ADAMTSL1: variants seen among roughly 807,000 people sequenced by gnomAD.
ADAMTSL1 encodes ADAMTS-like protein 1.
ADAMTSL1 carries 126 observed loss-of-function variants against 201.8 expected under a neutral mutation model. The ratio of observed to expected loss-of-function variants is 0.62; its 90% CI spans 0.54 to 0.72. ADAMTSL1 has a LOEUF of 0.72. Among genes scored for constraint, ADAMTSL1 ranks in the 30% least tolerant of loss-of-function variants. ADAMTSL1 has a pLI of 0.00. For synonymous variants in ADAMTSL1, 1,121 were observed against 903.4 expected (o/e 1.24, Z -4.32); for missense variants, 2,679 against 2,277.8 (o/e 1.18, Z -3.59).
At chr9:18,259,585 G>T (rs1442491924) in intron 2 of ADAMTSL1, among the ~76,000 whole-genome samples, 2 of 151,182 alleles carry the variant, frequency 1.3e-5, no homozygotes, top group African/African-American at 4.9e-5. Context: ...AGCTTACAAG[G>T]CTCCCAGGGG....
intron 2 of ADAMTSL1, among the ~76,000 whole-genome samples, chr9:18,356,636 CAA>C (rs1491059814): frequency 1.4e-5 from 2 of 142,814 alleles, no homozygotes; most frequent in African/African-American, 2.6e-5. Context: ...CACACACACA[CAA>C]CTTTCCTACT....
intron 1 of ADAMTSL1, among the ~76,000 whole-genome samples, chr9:17,945,438 C>T (rs1656821404): frequency 6.8e-6 from 1 of 146,766 alleles, no homozygotes. Flanking sequence ...ACTAGAAATA[C>T]CATTTGACCC....
At chr9:18,060,693 A>T (rs530144299) in intron 1 of ADAMTSL1, among the ~76,000 whole-genome samples, 3 of 152,192 alleles carry the variant, frequency 2.0e-5, no homozygotes, top group Non-Finnish European at 4.4e-5. Context: ...GTTAACTACT[A>T]TTAATAATTC....
At chr9:18,063,213 G>A (rs1006224752) in intron 1 of ADAMTSL1, among the ~76,000 whole-genome samples, 19 of 152,144 alleles carry the variant, frequency 1.2e-4, no homozygotes, top group Admixed American at 9.2e-4. Context: ...GTTGGGCATG[G>A]TGGTGTCTGC....
At chr9:18,293,533 G>A (rs887412607) in intron 2 of ADAMTSL1, among the ~76,000 whole-genome samples, 9 of 152,158 alleles carry the variant, frequency 5.9e-5, no homozygotes, top group Middle Eastern at 3.2e-3. Context: ...CAAGCTCAGC[G>A]GAGAATACCG....
chr9:18,635,376 G>A (rs533030377), intron 5 of ADAMTSL1, among the ~76,000 whole-genome samples: 73 of 152,242 alleles, frequency 4.8e-4, no homozygotes, highest in South Asian at 4.4e-3. Flanking sequence ...ATAGAGTATA[G>A]TGTAGAGAAA....
At chr9:18,334,839 G>C (rs1274225766) in intron 2 of ADAMTSL1, among the ~76,000 whole-genome samples, 2 of 152,140 alleles carry the variant, frequency 1.3e-5, no homozygotes, top group Middle Eastern at 3.2e-3. Context: ...TCAGAAGAAA[G>C]AGATTTTTGC....
intron 2 of ADAMTSL1, among the ~76,000 whole-genome samples, chr9:18,221,579 T>A (rs902819613): frequency 2.0e-5 from 3 of 152,214 alleles, no homozygotes; most frequent in African/African-American, 7.2e-5. Flanking sequence ...TAAATTTTCC[T>A]TTAACAGTTC....
intron 23 of ADAMTSL1, among the ~76,000 whole-genome samples, chr9:18,881,477 G>A (rs952165776): frequency 1.3e-5 from 2 of 152,196 alleles, no homozygotes; most frequent in African/African-American, 4.8e-5. Flanking sequence ...TGGCCATTCA[G>A]ATGAGCAGTC....
At chr9:18,010,177 C>T (rs550501453) in intron 1 of ADAMTSL1, among the ~76,000 whole-genome samples, 11 of 151,982 alleles carry the variant, frequency 7.2e-5, no homozygotes, top group Non-Finnish European at 1.2e-4. Context: ...GAAACTGAAG[C>T]AGCTCTGAGA....
chr9:18,603,435 A>G (rs1424364608), intron 4 of ADAMTSL1, among the ~76,000 whole-genome samples: 3 of 151,720 alleles, frequency 2.0e-5, no homozygotes, highest in South Asian at 2.1e-4. Context: ...GCTATACTGT[A>G]CTATGCAGTA....
chr9:18,784,705 A>C (rs1291128094), intron 19 of ADAMTSL1, among the ~76,000 whole-genome samples: 1 of 152,188 alleles, frequency 6.6e-6, no homozygotes, highest in Non-Finnish European at 1.5e-5. Context: ...TGGAGAAATC[A>C]TCAGGCTCAT....
At chr9:18,740,476 A>T (rs525278) in intron 15 of ADAMTSL1, among the ~76,000 whole-genome samples, 108,308 of 129,148 alleles carry the variant, frequency 0.84, 45,071 homozygotes, top group Non-Finnish European at 0.85. Context: ...TTTTTCTTTT[A>T]TCTTTTTTTT....
intron 2 of ADAMTSL1, among the ~76,000 whole-genome samples, chr9:18,280,799 A>G (rs1031916982): frequency 6.6e-6 from 1 of 151,124 alleles, no homozygotes; most frequent in African/African-American, 2.4e-5. Flanking sequence ...TTTCCTTTGG[A>G]TTCCTTAAGA....
At chr9:18,457,358 G>A (rs903696859) in intron 2 of ADAMTSL1, among the ~76,000 whole-genome samples, 1 of 152,146 alleles carries the variant, frequency 6.6e-6, no homozygotes, top group Non-Finnish European at 1.5e-5. Flanking sequence ...TTTAGAAACA[G>A]GGTCTCACTG....
chr9:18,161,864 G>A (rs1318633813), intron 1 of ADAMTSL1, among the ~76,000 whole-genome samples: 1 of 152,000 alleles, frequency 6.6e-6, no homozygotes, highest in Non-Finnish European at 1.5e-5. Flanking sequence ...CCATGAATCA[G>A]TTTTTGCAAG....
intron 13 of ADAMTSL1, among the ~76,000 whole-genome samples, chr9:18,697,264 A>G (rs1339120580): frequency 6.6e-6 from 1 of 152,200 alleles, no homozygotes; most frequent in Non-Finnish European, 1.5e-5. Context: ...ATTTAGAATA[A>G]AGTATATATT....
At chr9:18,900,257 G>T (rs966819390) in intron 26 of ADAMTSL1, among the ~76,000 whole-genome samples, 6 of 152,152 alleles carry the variant, frequency 3.9e-5, no homozygotes, top group African/African-American at 1.4e-4. Context: ...TCAGAATGGC[G>T]ATTATGAAAA....
intron 2 of ADAMTSL1, among the ~76,000 whole-genome samples, chr9:18,210,539 A>T (rs1829831659): frequency 6.8e-6 from 1 of 148,058 alleles, no homozygotes; most frequent in African/African-American, 2.5e-5. Flanking sequence ...ATTAATTAAT[A>T]TTACCAGGAA....
Sources: allele counts gnomAD v4.1 joint callset (sites outside exome capture counted in the v4.1 genomes callset), GRCh38; gene constraint gnomAD v4.1.1; transcripts MANE v1.5; gene names NCBI Gene and HGNC (gene_info 2026-07-23, HGNC 2026-07-21).